MTHFD1L: variants seen among roughly 807,000 people sequenced by gnomAD.
The protein encoded by MTHFD1L is methylenetetrahydrofolate dehydrogenase (NADP+ dependent) 1 like, also known as monofunctional C1-tetrahydrofolate synthase, mitochondrial.
Under a neutral mutation model 119.5 loss-of-function variants are expected in MTHFD1L, and 81 were observed. The observed-to-expected ratio is 0.68, with a 90% CI of 0.57 to 0.82. The LOEUF (loss-of-function observed/expected upper bound fraction) is 0.82, where lower values mean the gene tolerates loss of function less well. Ranked by LOEUF, MTHFD1L falls within the 40% of genes least tolerant of loss-of-function variation. The probability of loss-of-function intolerance (pLI) is 0.00; values close to 1 mark genes in which losing one functional copy is unlikely to be tolerated. For synonymous variants in MTHFD1L, 430 were observed against 475.2 expected, an observed-to-expected ratio of 0.90 and a Z score of 1.24; for missense variants, 1,125 against 1,253.4, an observed-to-expected ratio of 0.90 and a Z score of 1.55.
chr6:151,053,214 A>G (rs1562602395), intron 26 of MTHFD1L, among the ~76,000 whole-genome samples: 1 of 152,126 alleles, frequency 6.6e-6, no homozygotes, highest in Non-Finnish European at 1.5e-5. Flanking sequence ...TATCCCAACT[A>G]TTATAAGGCC....
At chr6:150,957,091 T>C (rs1583790835) in intron 17 of MTHFD1L, among the ~76,000 whole-genome samples, 1 of 152,258 alleles carries the variant, frequency 6.6e-6, no homozygotes, top group East Asian at 1.9e-4. Context: ...TTCATGTTCT[T>C]AGCCTCTCCT....
chr6:150,971,573 A>G (rs1798008203), intron 19 of MTHFD1L, among the ~76,000 whole-genome samples: 1 of 152,210 alleles, frequency 6.6e-6, no homozygotes, highest in Non-Finnish European at 1.5e-5. Flanking sequence ...TATACCTTTT[A>G]TACCATCAGG....
At chr6:150,965,060 T>C in intron 19 of MTHFD1L, 23 bp downstream of exon 19, 1 of 1,607,406 alleles carries the variant, frequency 6.2e-7, no homozygotes, top group Non-Finnish European at 8.5e-7. Context: ...CTTCTTATAG[T>C]AATTGTTTGC....
intron 26 of MTHFD1L, among the ~76,000 whole-genome samples, chr6:151,074,408 T>C (rs1233292128): frequency 6.6e-6 from 1 of 152,172 alleles, no homozygotes; most frequent in Non-Finnish European, 1.5e-5. Context: ...ATAATAAAAA[T>C]GTAGTATAGC....
At chr6:151,015,036 C>A (rs1471757745) in intron 23 of MTHFD1L, 56 bp downstream of exon 23, 3 of 1,399,950 alleles carry the variant, frequency 2.1e-6, no homozygotes, top group Non-Finnish European at 3.0e-6. Flanking sequence ...ACCCTGTGAA[C>A]GATATTTGTG....
At chr6:150,989,913 G>A (rs1778821398) in intron 20 of MTHFD1L, among the ~76,000 whole-genome samples, 1 of 152,184 alleles carries the variant, frequency 6.6e-6, no homozygotes, top group African/African-American at 2.4e-5. Flanking sequence ...AGAGGAAAAT[G>A]AACTTCGTGG....
At chr6:150,913,273 G>A (rs1026553399) in intron 8 of MTHFD1L, among the ~76,000 whole-genome samples, 1 of 151,750 alleles carries the variant, frequency 6.6e-6, no homozygotes, top group Non-Finnish European at 1.5e-5. Context: ...CCATTCTCCT[G>A]CTTCAGCCTC....
At chr6:150,953,048 C>T (rs1358303895) in intron 16 of MTHFD1L, among the ~76,000 whole-genome samples, 7 of 152,164 alleles carry the variant, frequency 4.6e-5, no homozygotes, top group African/African-American at 7.2e-5. Context: ...CCATCTCCCT[C>T]GCATGCCCAA....
intron 19 of MTHFD1L, among the ~76,000 whole-genome samples, chr6:150,967,043 G>GC (rs1797312852): frequency 6.6e-6 from 1 of 152,162 alleles, no homozygotes; most frequent in South Asian, 2.1e-4. Context: ...TGATCATTCT[G>GC]CCAGCATGCA....
intron 26 of MTHFD1L, among the ~76,000 whole-genome samples, chr6:151,085,563 G>A (rs1211099884): frequency 6.6e-6 from 1 of 152,170 alleles, no homozygotes; most frequent in Non-Finnish European, 1.5e-5. Flanking sequence ...CTGAGGTCAG[G>A]AGTTTGAGAC....
In MTHFD1L at chr6:150,926,438, G is replaced by A. The variant is rs928492890; in HGVS notation, c.1256+143G>A. ...ATTTCATTTGGCATTTCTTTATTTGGTGTGAGATAAGTTTTTATTTTCAGT... is the reference window on the plus strand; with the variant it reads ...ATTTCATTTGGCATTTCTTTATTTGATGTGAGATAAGTTTTTATTTTCAGT... On this transcript the variant is annotated intron_variant, in intron 11 of 27. Transcript: ENST00000367321. The surrounding 1 kb of genome is among the most constrained non-coding windows in gnomAD (Gnocchi z 4.3). 3.7e-6 allele frequency: 3 copies of A among 820,872 alleles called. No individual in the cohort carries two copies. Among genetic ancestry groups the A allele is most frequent in the African/African-American group, 1.7e-5 (1 of 57,786 alleles). 50.8% of individuals were successfully genotyped at this position (820,872 alleles called of 1,614,324 possible).
At chr6:151,097,680 G>A (rs1187032973) in intron 27 of MTHFD1L, among the ~76,000 whole-genome samples, 1 of 152,188 alleles carries the variant, frequency 6.6e-6, no homozygotes, top group African/African-American at 2.4e-5. Context: ...TCTAATGTTT[G>A]ATAGCAAACT....
rs1057305978 is a variant in MTHFD1L at position 150,882,764 on chromosome 6, T to G, written c.420T>G (p.Ile140Met). 2.0e-6 allele frequency: 3 copies of G among 1,496,508 alleles called. No homozygotes were observed. The African/African-American group carries it at 4.4e-5, about 22-fold the overall frequency. 92.7% of individuals were successfully genotyped at this position (1,496,508 alleles called of 1,614,324 possible). Residue 140 changes from isoleucine (I) to methionine (M), a missense_variant and splice_region_variant, in exon 5 of 28, where the codon ATT becomes ATG. Physicochemically the swap from Ile to Met is conservative, Grantham distance 10. Around this residue, in one of 3 missense-constraint regions of MTHFD1L, gnomAD observed 1,058 missense variants for 1,151.2 expected, o/e 0.92. Transcript: ENST00000367321. ...CLPPDSSEAE[I>M]IDEILKINED... ...TTGTTTTTTTGTTTTCTCTTTAGAT[T>G]ATAGATGAAATCTTAAAGATCAATG... is the stretch of plus-strand genomic sequence containing the variant.
At chr6:150,951,041 T>TG (rs1442395004) in intron 16 of MTHFD1L, among the ~76,000 whole-genome samples, 1 of 139,070 alleles carries the variant, frequency 7.2e-6, no homozygotes, top group Non-Finnish European at 1.6e-5. Context: ...TGGTTTTTTT[T>TG]TTGTTTTTTT....
intron 21 of MTHFD1L, 74 bp from the exon 22 acceptor site, chr6:151,013,702 ATGT>A (rs1782611678): frequency 7.7e-7 from 1 of 1,293,182 alleles, no homozygotes; most frequent in Non-Finnish European, 1.1e-6. Flanking sequence ...GAATGTGATT[ATGT>A]TGTTCTTTCT....
intron 11 of MTHFD1L, chr6:150,935,004 T>G: frequency 6.2e-7 from 1 of 1,605,832 alleles, no homozygotes; most frequent in Non-Finnish European, 8.5e-7. Flanking sequence ...TTCTATCCTG[T>G]CCAACCTGCC....
chr6:151,043,814 TA>T (rs1306820170), intron 26 of MTHFD1L, among the ~76,000 whole-genome samples: 6 of 152,072 alleles, frequency 3.9e-5, no homozygotes, highest in Non-Finnish European at 8.8e-5. Context: ...TTTTGTAAAT[TA>T]GATAGCCAGG....
chr6:150,932,533 A>T (rs546467837), intron 11 of MTHFD1L, among the ~76,000 whole-genome samples: 187 of 152,162 alleles, frequency 1.2e-3, no homozygotes, highest in Non-Finnish European at 2.2e-3. Context: ...GCACTTTGGG[A>T]GGCTGAGGTG....
intron 18 of MTHFD1L, 142 bp from the exon 19 acceptor site, chr6:150,964,827 A>G: frequency 3.2e-6 from 2 of 623,886 alleles, no homozygotes; most frequent in Non-Finnish European, 5.8e-6. Flanking sequence ...AGGTGGACAG[A>G]GACAGCAGCA....
Sources: gnomAD v4.1 joint callset for allele counts (sites outside exome capture counted in the v4.1 genomes callset) on GRCh38, gnomAD v4.1.1 for gene constraint, gnomAD v4.1.1 regional missense constraint, Gnocchi (gnomAD v3.1) non-coding constraint, MANE v1.5 for transcripts, NCBI Gene and HGNC (gene_info 2026-07-23, HGNC 2026-07-21) for gene names.